The following EFCAB3 variants were observed in gnomAD, a reference collection of about 807,000 sequenced individuals.
EFCAB3 encodes the protein EF-hand calcium-binding domain-containing protein 3.
A neutral mutation model predicts 42.2 loss-of-function variants in EFCAB3; 36 were observed. The ratio of observed to expected loss-of-function variants is 0.85; its 90% CI spans 0.65 to 1.13. EFCAB3 has a LOEUF of 1.13. EFCAB3 is among the 50% of genes most tolerant of loss of function. The probability of loss-of-function intolerance (pLI) is 0.00; values close to 1 mark genes in which losing one functional copy is unlikely to be tolerated. For missense variants in EFCAB3, 418 were observed against 505.1 expected (o/e 0.83, Z 1.65); for synonymous variants, 170 against 172.8 (o/e 0.98, Z 0.13).
intron 2 of EFCAB3, among the ~76,000 whole-genome samples, chr17:62,384,995 G>C (rs2070236388): frequency 6.6e-6 from 1 of 152,138 alleles, no homozygotes; most frequent in Non-Finnish European, 1.5e-5. Flanking sequence ...GGTAGGCTCG[G>C]CTAAGCTATG....
chr17:62,389,192 G>C (rs1174114047), intron 3 of EFCAB3, among the ~76,000 whole-genome samples: 1 of 152,204 alleles, frequency 6.6e-6, no homozygotes, highest in African/African-American at 2.4e-5. Flanking sequence ...AGTGGGCTCT[G>C]GCATGTAAGG....
intron 8 of EFCAB3, among the ~76,000 whole-genome samples, chr17:62,407,495 A>G (rs1335651749): frequency 3.9e-5 from 6 of 152,122 alleles, no homozygotes; most frequent in Non-Finnish European, 8.8e-5. Flanking sequence ...TCCCCCAACC[A>G]CTCAGGGACC....
At chr17:62,380,871 A>C (rs1265970072) in intron 1 of EFCAB3, 1 of 152,270 alleles carries the variant, frequency 6.6e-6, no homozygotes, top group Non-Finnish European at 1.5e-5. Flanking sequence ...ACCTGGGAAA[A>C]TGGATCAAAT....
chr17:62,403,209 G>A (rs1359215518), intron 6 of EFCAB3, among the ~76,000 whole-genome samples: 1 of 152,124 alleles, frequency 6.6e-6, no homozygotes, highest in Non-Finnish European at 1.5e-5. Flanking sequence ...AACTGTCTGA[G>A]CCAAAGGCGC....
upstream of EFCAB3, among the ~76,000 whole-genome samples, chr17:62,379,708 G>C (rs897572991): frequency 6.6e-6 from 1 of 152,126 alleles, no homozygotes; most frequent in African/African-American, 2.4e-5. Flanking sequence ...GGGTGCCAGA[G>C]ATATCTGTAC....
intron 1 of EFCAB3, among the ~76,000 whole-genome samples, chr17:62,381,202 T>C (rs908976721): frequency 7.3e-6 from 1 of 136,090 alleles, no homozygotes; most frequent in Non-Finnish European, 1.5e-5. Flanking sequence ...CCTGTGTCCG[T>C]GTGTTCTCAT....
At chr17:62,408,703 G>T (rs887282080) in intron 8 of EFCAB3, among the ~76,000 whole-genome samples, 3 of 152,216 alleles carry the variant, frequency 2.0e-5, no homozygotes, top group Admixed American at 6.5e-5. Flanking sequence ...TGAGGAAAAT[G>T]TTATAGGCCA....
chr17:62,400,289 T>C (rs1339961738), intron 6 of EFCAB3, among the ~76,000 whole-genome samples: 2 of 152,220 alleles, frequency 1.3e-5, no homozygotes, highest in Non-Finnish European at 2.9e-5. Context: ...GCAGGTTTGT[T>C]ACATATGTAT....
chr17:62,394,251 C>A (rs752145890), intron 5 of EFCAB3, among the ~76,000 whole-genome samples: 6 of 152,168 alleles, frequency 3.9e-5, no homozygotes, highest in Non-Finnish European at 7.3e-5. Flanking sequence ...CCACGCCCAG[C>A]CTATAATGTC....
At chr17:62,391,770 A>G (rs1433184334) in intron 3 of EFCAB3, 52 bp from the exon 4 acceptor site, 2 of 1,588,606 alleles carry the variant, frequency 1.3e-6, no homozygotes, top group African/African-American at 1.3e-5. Flanking sequence ...CTATTAGTGT[A>G]TGTACTTCTT....
intron 1 of EFCAB3, among the ~76,000 whole-genome samples, chr17:62,371,325 C>T (rs1049674931): frequency 1.4e-4 from 22 of 151,970 alleles, no homozygotes; most frequent in Non-Finnish European, 2.6e-4. Flanking sequence ...GAGGCTGAGG[C>T]GGGTGGATCA....
At chr17:62,394,832 A>T (rs2070335223) in intron 5 of EFCAB3, among the ~76,000 whole-genome samples, 1 of 152,240 alleles carries the variant, frequency 6.6e-6, no homozygotes, top group African/African-American at 2.4e-5. Context: ...TTGTGTTAAA[A>T]ATATTACTAT....
At position 62,391,893 on chromosome 17, in the gene EFCAB3, AC is replaced by A; in HGVS notation, c.224del (p.Thr75MetfsTer2). 1.2e-6 allele frequency: 2 copies of A among 1,613,834 alleles called. No individual in the cohort carries two copies. Among genetic ancestry groups the A allele is most frequent in the Non-Finnish European group, 1.7e-6 (2 of 1,179,822 alleles). On this transcript the variant is annotated frameshift_variant, in exon 4 of 10. Coordinates refer to ENST00000305286, the MANE Select transcript of EFCAB3 (RefSeq NM_173503.4). LOFTEE classifies it high-confidence loss of function. Reference protein sequence around the residue: ...GCIDFHGLMCTVAKLGMNLTK... With the variant: ...GCIDFHGLMCXVAKLGMNLTK... ...TATTGATTTCCATGGACTGATGTGC[AC>A]TGTAGCTAAGCTGGGAATGAATCTG...
chr17:62,397,112 G>A (rs1213461448), intron 6 of EFCAB3, among the ~76,000 whole-genome samples: 1 of 152,152 alleles, frequency 6.6e-6, no homozygotes, highest in Non-Finnish European at 1.5e-5. Context: ...CTCACACCCA[G>A]TAAGTGCTTA....
In EFCAB3 at chr17:62,416,084, C is replaced by G. The variant is rs552441218; in HGVS notation, c.1072C>G (p.Arg358Gly). Residue 358 changes from arginine (R) to glycine (G), a missense_variant, in exon 10 of 10, where the codon CGA becomes GGA. Transcript: ENST00000305286. ...GATGCTAAACCTCTGGCAGAAGATC[C>G]GAGGGGATTTGATTGGGATGGACTC... ...KEMLNLWQKI[R>G]GDLIGMDSRN... 4 of 1,613,896 alleles carry G rather than the reference C, an allele frequency of 2.5e-6. No individual in the cohort carries two copies. The highest frequency in any genetic ancestry group is 3.4e-6 in the Non-Finnish European group (4 of 1,179,852).
chr17:62,407,139 A>C lies in EFCAB3; in HGVS notation c.794A>C (p.Glu265Ala). 6.2e-7 allele frequency: 1 copy of C among 1,613,198 alleles called. No individual in the cohort carries two copies. Among genetic ancestry groups the C allele is most frequent in the Non-Finnish European group, 8.5e-7 (1 of 1,179,650 alleles). ...GKPFKDMQKL[E>A]MLRIKEPLHF... ...CCATTCAAAGACATGCAGAAATTAG[A>C]GATGCTAAGAATAAAGGAGCCTTTG... is the stretch of plus-strand genomic sequence containing the variant. The change falls in exon 8 of 10, where the codon GAG becomes GCG. Residue 265 changes from glutamate (E) to alanine (A), a missense_variant. Coordinates refer to ENST00000305286, the MANE Select transcript of EFCAB3 (RefSeq NM_173503.4).
chr17:62,405,828 G>A (rs2070442682), intron 6 of EFCAB3, among the ~76,000 whole-genome samples: 3 of 152,152 alleles, frequency 2.0e-5, no homozygotes, highest in Admixed American at 6.5e-5. Flanking sequence ...CAAAAAAAAT[G>A]ATAGGAAAGA....
intron 6 of EFCAB3, among the ~76,000 whole-genome samples, chr17:62,396,643 A>G (rs934447718): frequency 6.6e-6 from 1 of 152,136 alleles, no homozygotes; most frequent in Admixed American, 6.5e-5. Flanking sequence ...CTGTAATCTC[A>G]GCTACTCAGG....
chr17:62,378,904 C>T (rs1197328677), upstream of EFCAB3, among the ~76,000 whole-genome samples: 3 of 151,172 alleles, frequency 2.0e-5, no homozygotes, highest in Admixed American at 2.0e-4. Flanking sequence ...GCACATGTGT[C>T]CCAGAACTTA....
Sources: gnomAD v4.1 joint callset for allele counts (sites outside exome capture counted in the v4.1 genomes callset) on GRCh38, gnomAD v4.1.1 for gene constraint, MANE v1.5 for transcripts, NCBI Gene and HGNC (gene_info 2026-07-23, HGNC 2026-07-21) for gene names.